Variants in POP1 observed in about 807,000 individuals in gnomAD.
The protein encoded by POP1 is ribonucleases P/MRP protein subunit POP1.
Under a neutral mutation model 102.2 loss-of-function variants are expected in POP1, and 75 were observed. The ratio of observed to expected loss-of-function variants is 0.73; its 90% CI spans 0.61 to 0.89. POP1 has a LOEUF of 0.89. POP1 is among the 40% of genes least tolerant of loss of function. The pLI, the probability that POP1 is intolerant of heterozygous loss-of-function variation, is 0.00. For synonymous variants in POP1, 436 were observed against 464.1 expected (o/e 0.94, Z 0.78); for missense variants, 1,116 against 1,267.4 (o/e 0.88, Z 1.81).
rs1809716294 is a variant in POP1 at position 98,158,397 on chromosome 8, T to A, written c.*126T>A. The A allele has an allele frequency of 4.0e-6, 4 of 1,012,188 alleles. No homozygotes were observed. Among genetic ancestry groups the A allele is most frequent in the Non-Finnish European group, 6.1e-6 (4 of 658,702 alleles). 62.7% of individuals were successfully genotyped at this position (1,012,188 alleles called of 1,614,324 possible). ...ACTCCCTGGAAACAAGAATAAAAAATTATGTATTATGCAGATGATGAAATG... is the reference window on the plus strand; with the variant it reads ...ACTCCCTGGAAACAAGAATAAAAAAATATGTATTATGCAGATGATGAAATG... On this transcript the variant is annotated 3_prime_UTR_variant, in exon 16 of 16. Transcript: ENST00000401707.
intron 9 of POP1, among the ~76,000 whole-genome samples, chr8:98,137,307 CTT>C (rs113798017): frequency 6.8e-6 from 1 of 147,232 alleles, no homozygotes; most frequent in African/African-American, 2.5e-5. Flanking sequence ...GTTTTCTTTT[CTT>C]TTTTTTTTTC....
intron 15 of POP1, among the ~76,000 whole-genome samples, chr8:98,157,360 C>T (rs1809677431): frequency 6.6e-6 from 1 of 152,146 alleles, no homozygotes; most frequent in African/African-American, 2.4e-5. Flanking sequence ...ATCCTAGATT[C>T]TATCTCACTG....
At position 98,129,970 on chromosome 8, in the gene POP1, A is replaced by T; in HGVS notation, c.487-8A>T. 1 of 1,613,972 alleles carries T rather than the reference A, an allele frequency of 6.2e-7. No homozygotes were observed. Among genetic ancestry groups the T allele is most frequent in the Non-Finnish European group, 8.5e-7 (1 of 1,179,896 alleles). On this transcript the variant is annotated splice_polypyrimidine_tract_variant and splice_region_variant and intron_variant, in intron 4 of 15. Coordinates refer to ENST00000401707, the MANE Select transcript of POP1 (RefSeq NM_001145860.2). ...AACTGGGATATGTCCCTCTACTTGAAACTATAGGCGGAGAAAGCCGTACAT... is the reference window on the plus strand; with the variant it reads ...AACTGGGATATGTCCCTCTACTTGATACTATAGGCGGAGAAAGCCGTACAT...
intron 9 of POP1, 142 bp downstream of exon 9, chr8:98,137,096 G>T (rs1816569570): frequency 1.4e-6 from 1 of 740,248 alleles, no homozygotes; most frequent in Non-Finnish European, 2.2e-6. Context: ...TATTATCAAA[G>T]ATTTTGTTAT....
intron 13 of POP1, among the ~76,000 whole-genome samples, chr8:98,150,026 A>G (rs1284880338): frequency 1.3e-5 from 2 of 152,218 alleles, no homozygotes; most frequent in African/African-American, 4.8e-5. Flanking sequence ...TTTACCCGCC[A>G]TCCGGCTTAA....
Position 98,157,816 on chromosome 8 carries a change from A to G in POP1, c.2620A>G (p.Met874Val). The change falls in exon 16 of 16, where the codon ATG becomes GTG. Residue 874 changes from methionine (M) to valine (V), a missense_variant. Transcript: ENST00000401707. ...LSKGSPEPHTMICVPAKEDFL... is the reference protein window; with the variant it reads ...LSKGSPEPHTVICVPAKEDFL... Reference sequence around the variant, plus strand: ...CAAGGGCAGCCCCGAGCCTCACACCATGATCTGTGTCCCAGCCAAGGAGGA... The same window carrying G: ...CAAGGGCAGCCCCGAGCCTCACACCGTGATCTGTGTCCCAGCCAAGGAGGA... The G allele has an allele frequency of 2.5e-6, 4 of 1,614,228 alleles. No individual in the cohort carries two copies. The highest frequency in any genetic ancestry group is 2.2e-5 in the East Asian group (1 of 44,882).
In POP1 at chr8:98,146,643, A is replaced by G. The variant is rs1816851160; in HGVS notation, c.1670A>G (p.Asp557Gly). 1.9e-6 allele frequency: 3 copies of G among 1,613,852 alleles called. No homozygotes were observed. The highest frequency in any genetic ancestry group is 1.7e-5 in the Admixed American group (1 of 60,026). ...ECTHSFIWNQ[D>G]ICKSVTENKI... Reference sequence around the variant, plus strand: ...ACGCATAGCTTTATCTGGAACCAAGATATCTGTAAGAGTGTCACAGAGAAT... The same window carrying G: ...ACGCATAGCTTTATCTGGAACCAAGGTATCTGTAAGAGTGTCACAGAGAAT... The change falls in exon 12 of 16, where the codon GAT (aspartate) becomes GGT (glycine). Residue 557 changes from aspartate (D) to glycine (G), a missense_variant. Transcript: ENST00000401707.
intron 2 of POP1, among the ~76,000 whole-genome samples, chr8:98,125,820 A>T (rs933631898): frequency 6.6e-6 from 1 of 151,830 alleles, no homozygotes. Context: ...GATTACAGAC[A>T]TGAGCTACTG....
chr8:98,147,031 A>G (rs986611476), intron 12 of POP1, among the ~76,000 whole-genome samples: 1 of 152,248 alleles, frequency 6.6e-6, no homozygotes, highest in Non-Finnish European at 1.5e-5. Flanking sequence ...TCTTGAAATG[A>G]TGATCTCATG....
intron 9 of POP1, 109 bp from the exon 10 acceptor site, chr8:98,139,969 C>G: frequency 1.2e-6 from 1 of 853,354 alleles, no homozygotes; most frequent in Non-Finnish European, 2.0e-6. Context: ...ATAACACATA[C>G]ATTTCCACAC....
At chr8:98,136,089 AT>A (rs35967851) in intron 7 of POP1, among the ~76,000 whole-genome samples, 3 of 25,822 alleles carry the variant, frequency 1.2e-4, no homozygotes, top group African/African-American at 2.0e-4. Context: ...TTTATTTTTT[AT>A]TTTTTTTTGA....
intron 13 of POP1, among the ~76,000 whole-genome samples, chr8:98,150,176 A>G (rs1191327558): frequency 6.6e-6 from 1 of 152,216 alleles, no homozygotes; most frequent in Non-Finnish European, 1.5e-5. Flanking sequence ...TTATTAAAGT[A>G]TGTTTGTATC....
At chr8:98,148,070 A>T (rs1809401490) in intron 12 of POP1, among the ~76,000 whole-genome samples, 1 of 152,200 alleles carries the variant, frequency 6.6e-6, no homozygotes, top group South Asian at 2.1e-4. Context: ...CCAAGAGCAG[A>T]GGTCCAGGAG....
chr8:98,144,894 C>T (rs1409835793), intron 11 of POP1, among the ~76,000 whole-genome samples: 1 of 151,890 alleles, frequency 6.6e-6, no homozygotes, highest in Non-Finnish European at 1.5e-5. Context: ...TTTTATTTTA[C>T]TTTATTTTTT....
At chr8:98,151,156 G>T (rs909116638) in intron 14 of POP1, among the ~76,000 whole-genome samples, 5 of 152,030 alleles carry the variant, frequency 3.3e-5, no homozygotes. Context: ...CGTGATCTTG[G>T]CTCACTGAAA....
intron 2 of POP1, among the ~76,000 whole-genome samples, chr8:98,124,279 T>C (rs575388338): frequency 1.3e-5 from 2 of 152,134 alleles, no homozygotes; most frequent in Non-Finnish European, 2.9e-5. Context: ...GATTATAATA[T>C]GGCCAGGGGC....
intron 1 of POP1, among the ~76,000 whole-genome samples, chr8:98,122,016 A>G (rs991325828): frequency 6.6e-5 from 10 of 151,658 alleles, no homozygotes; most frequent in South Asian, 6.3e-4. Context: ...TCTAGTAGAG[A>G]TGGGGTTTCG....
intron 11 of POP1, among the ~76,000 whole-genome samples, 187 bp downstream of exon 11, chr8:98,141,075 T>C (rs1217752804): frequency 1.3e-5 from 2 of 152,078 alleles, no homozygotes; most frequent in Non-Finnish European, 2.9e-5. Flanking sequence ...AAGTGTCTTT[T>C]AGCAGTAAAA....
At chr8:98,145,003 T>C (rs1003471205) in intron 11 of POP1, among the ~76,000 whole-genome samples, 2 of 152,118 alleles carry the variant, frequency 1.3e-5, no homozygotes, top group African/African-American at 2.4e-5. Flanking sequence ...TCCTCCTACC[T>C]CAGCCTCTCA....
Sources: gnomAD v4.1 joint callset for allele counts (sites outside exome capture counted in the v4.1 genomes callset) on GRCh38, gnomAD v4.1.1 for gene constraint, MANE v1.5 for transcripts, NCBI Gene and HGNC (gene_info 2026-07-23, HGNC 2026-07-21) for gene names.